MALRD1: variants seen among roughly 807,000 people sequenced by gnomAD.
MALRD1 encodes MAM and LDL-receptor class A domain-containing protein 1.
A neutral mutation model predicts 242.1 loss-of-function variants in MALRD1; 247 were observed. That is an observed-to-expected ratio of 1.02 (90% CI 0.92 to 1.13). The LOEUF is 1.13. MALRD1 is among the 50% of genes most tolerant of loss of function. The probability of loss-of-function intolerance (pLI) is 0.00; values close to 1 mark genes in which losing one functional copy is unlikely to be tolerated. For missense variants in MALRD1, 2,989 were observed against 2,533.1 expected (o/e 1.18, Z -3.86); for synonymous variants, 995 against 866.6 (o/e 1.15, Z -2.60).
intron 4 of MALRD1, among the ~76,000 whole-genome samples, chr10:19,098,931 T>C (rs1353282058): frequency 6.6e-6 from 1 of 152,102 alleles, no homozygotes; most frequent in East Asian, 1.9e-4. Flanking sequence ...TCAGACTAGG[T>C]GTGTTATTTG....
At chr10:19,062,401 A>G (rs1482135943) in intron 1 of MALRD1, among the ~76,000 whole-genome samples, 2 of 152,366 alleles carry the variant, frequency 1.3e-5, no homozygotes, top group East Asian at 1.9e-4. Flanking sequence ...TAGAATTACC[A>G]TATGATATAG....
chr10:19,638,030 G>A (rs1485490508), intron 36 of MALRD1, among the ~76,000 whole-genome samples: 5 of 149,582 alleles, frequency 3.3e-5, no homozygotes, highest in African/African-American at 1.2e-4. Context: ...GAACCCAGGA[G>A]GCAGGGGTTG....
At chr10:19,197,824 C>G (rs765256146) in intron 14 of MALRD1, among the ~76,000 whole-genome samples, 22 of 152,184 alleles carry the variant, frequency 1.4e-4, no homozygotes, top group African/African-American at 5.3e-4. Flanking sequence ...TCCACACCCC[C>G]CTGGCTTTCA....
At chr10:19,486,838 C>T (rs1233236555) in intron 29 of MALRD1, among the ~76,000 whole-genome samples, 1 of 152,074 alleles carries the variant, frequency 6.6e-6, no homozygotes, top group Non-Finnish European at 1.5e-5. Context: ...GATTTGTAAG[C>T]TCTGTTTCAA....
chr10:19,387,593 A>T lies in MALRD1; in HGVS notation c.4507A>T (p.Asn1503Tyr). 6.4e-7 allele frequency: 1 copy of T among 1,550,440 alleles called. No individual in the cohort carries two copies. The highest frequency in any genetic ancestry group is 8.7e-7 in the Non-Finnish European group (1 of 1,146,880). Residue 1503 changes from asparagine (N) to tyrosine (Y), a missense_variant, in exon 27 of 40, where the codon AAC becomes TAC. Transcript: ENST00000454679. ...ATGCTATAGGCTGGAACAAAGCTGT[A>T]ACTTCGTAGATAACTGTGGAGATAA... is the stretch of plus-strand genomic sequence containing the variant. ...GKCYRLEQSC[N>Y]FVDNCGDNTD...
At chr10:19,489,335 G>A (rs1407703351) in intron 29 of MALRD1, 2 of 535,146 alleles carry the variant, frequency 3.7e-6, no homozygotes, top group Non-Finnish European at 3.8e-6. Flanking sequence ...TGCAGAAAAC[G>A]GGGAAAGGAA....
chr10:19,341,494 G>GTGTGTGTGTGTGAGTGTTT (rs1843862718), intron 24 of MALRD1, among the ~76,000 whole-genome samples: 1 of 135,942 alleles, frequency 7.4e-6, no homozygotes, highest in Non-Finnish European at 1.6e-5. Flanking sequence ...GTATATATAT[G>GTGTGTGTGTGTGAGTGTTT]TATATATGTA....
chr10:19,297,902 C>A (rs376263243), intron 21 of MALRD1, among the ~76,000 whole-genome samples: 15 of 151,834 alleles, frequency 9.9e-5, no homozygotes, highest in East Asian at 9.7e-4. Flanking sequence ...TTTCATCAAG[C>A]AAAGCGATGG....
intron 15 of MALRD1, 75 bp downstream of exon 15, chr10:19,203,955 A>AAAAG: frequency 6.6e-7 from 1 of 1,505,050 alleles, no homozygotes; most frequent in Non-Finnish European, 9.0e-7. Context: ...AAGGAAAGCT[A>AAAAG]GTACGGTTCT....
At chr10:19,201,878 G>C (rs1000503123) in intron 14 of MALRD1, among the ~76,000 whole-genome samples, 1 of 151,922 alleles carries the variant, frequency 6.6e-6, no homozygotes, top group African/African-American at 2.4e-5. Flanking sequence ...TGCAGTGGCA[G>C]GATCTCAGCT....
intron 31 of MALRD1, among the ~76,000 whole-genome samples, chr10:19,522,730 A>G (rs1021699737): frequency 1.3e-5 from 2 of 152,222 alleles, no homozygotes; most frequent in African/African-American, 4.8e-5. Flanking sequence ...GATGATAAAT[A>G]TGAGACATAG....
chr10:19,213,541 G>A (rs746322060), intron 18 of MALRD1, among the ~76,000 whole-genome samples: 1 of 152,128 alleles, frequency 6.6e-6, no homozygotes, highest in Non-Finnish European at 1.5e-5. Flanking sequence ...CTCCTTTAGT[G>A]TATCTTGCAT....
At chr10:19,240,772 A>G (rs764490950) in intron 18 of MALRD1, among the ~76,000 whole-genome samples, 4 of 152,104 alleles carry the variant, frequency 2.6e-5, no homozygotes, top group Non-Finnish European at 4.4e-5. Flanking sequence ...TTTATCATAA[A>G]GGAATGTTGA....
At chr10:19,583,856 G>T (rs1381203640) in intron 33 of MALRD1, among the ~76,000 whole-genome samples, 2 of 152,062 alleles carry the variant, frequency 1.3e-5, no homozygotes, top group Non-Finnish European at 2.9e-5. Context: ...TCTAGTCCTG[G>T]ACTCTTTTTG....
chr10:19,069,549 T>G (rs1250728950), intron 2 of MALRD1, among the ~76,000 whole-genome samples: 2 of 152,062 alleles, frequency 1.3e-5, no homozygotes, highest in South Asian at 4.1e-4. Flanking sequence ...TTGAAGAAAT[T>G]CCTTTAGTAT....
At chr10:19,176,623 C>T (rs983318389) in intron 14 of MALRD1, among the ~76,000 whole-genome samples, 4 of 151,618 alleles carry the variant, frequency 2.6e-5, no homozygotes, top group South Asian at 2.1e-4. Context: ...ATCCACCCGC[C>T]TCGGCCTCCC....
At chr10:19,509,757 G>A (rs1424159578) in intron 31 of MALRD1, among the ~76,000 whole-genome samples, 1 of 152,178 alleles carries the variant, frequency 6.6e-6, no homozygotes, top group African/African-American at 2.4e-5. Context: ...AGTGTACCAG[G>A]CAGACTACTA....
At chr10:19,249,903 C>T (rs1169233979) in intron 18 of MALRD1, among the ~76,000 whole-genome samples, 2 of 151,710 alleles carry the variant, frequency 1.3e-5, no homozygotes, top group African/African-American at 2.4e-5. Context: ...AGGTCTACAT[C>T]AGTGTTAAGT....
intron 18 of MALRD1, among the ~76,000 whole-genome samples, chr10:19,232,540 A>G (rs1838129044): frequency 6.6e-6 from 1 of 152,102 alleles, no homozygotes; most frequent in African/African-American, 2.4e-5. Flanking sequence ...CTTGGACTCA[A>G]ACCAGGTCAG....
Sources: gnomAD v4.1 joint callset for allele counts (sites outside exome capture counted in the v4.1 genomes callset) on GRCh38, gnomAD v4.1.1 for gene constraint, MANE v1.5 for transcripts, NCBI Gene and HGNC (gene_info 2026-07-23, HGNC 2026-07-21) for gene names.